Variants in TRMT11 observed in about 807,000 individuals in gnomAD.
TRMT11 encodes tRNA (guanine(10)-N(2))-methyltransferase TRMT11.
A neutral mutation model predicts 62.8 loss-of-function variants in TRMT11; 53 were observed. The ratio of observed to expected loss-of-function variants is 0.84; its 90% CI spans 0.68 to 1.06. The LOEUF is 1.06. TRMT11 is among the 50% of genes least tolerant of loss of function. The probability of loss-of-function intolerance (pLI) is 0.00; values close to 1 mark genes in which losing one functional copy is unlikely to be tolerated. For synonymous variants in TRMT11, 188 were observed against 190.3 expected (o/e 0.99, Z 0.10); for missense variants, 556 against 553.4 (o/e 1.00, Z -0.05).
intron 17 of TRMT11, among the ~76,000 whole-genome samples, chr6:126,059,774 C>T (rs953380661): frequency 2.0e-5 from 3 of 152,126 alleles, no homozygotes; most frequent in Non-Finnish European, 2.9e-5. Flanking sequence ...CTATCAATAG[C>T]AATTGGCTTT....
intron 16 of TRMT11, among the ~76,000 whole-genome samples, chr6:126,044,973 G>A (rs926447967): frequency 5.3e-5 from 8 of 152,070 alleles, no homozygotes; most frequent in Non-Finnish European, 8.8e-5. Flanking sequence ...ATCACCTGAG[G>A]TCAGGAGTTT....
intron 11 of TRMT11, 97 bp downstream of exon 11, chr6:126,013,198 C>A: frequency 9.1e-7 from 1 of 1,098,072 alleles, no homozygotes; most frequent in South Asian, 1.6e-5. Context: ...TTTGGTGCAT[C>A]TTTATATTTA....
Position 125,998,236 on chromosome 6 carries a change from A to G in TRMT11, c.308A>G (p.His103Arg), listed in dbSNP as rs375445860. Residue 103 changes from histidine (H) to arginine (R), a missense_variant, in exon 5 of 13, where the codon CAT becomes CGT. Physicochemically the swap from His to Arg is conservative, Grantham distance 29. Coordinates refer to ENST00000334379, the MANE Select transcript of TRMT11 (RefSeq NM_001031712.3). ...YPVEKMVPFL[H>R]SDSTYKIKIH... ...CTTTTATTTTAGGTTCCATTTCTAC[A>G]TTCGGACTCTACATATAAAATAAAG... The G allele has an allele frequency of 1.2e-6, 2 of 1,601,456 alleles. No individual in the cohort carries two copies. The highest frequency in any genetic ancestry group is 2.2e-5 in the South Asian group (2 of 90,566).
chr6:126,047,709 C>T (rs879756685), intron 16 of TRMT11, among the ~76,000 whole-genome samples: 1 of 152,202 alleles, frequency 6.6e-6, no homozygotes, highest in Non-Finnish European at 1.5e-5. Flanking sequence ...TACCGTGGGG[C>T]TGGAGCCCAA....
chr6:126,022,814 T>C (rs968332343), intron 12 of TRMT11, among the ~76,000 whole-genome samples: 3 of 152,214 alleles, frequency 2.0e-5, no homozygotes, highest in African/African-American at 7.2e-5. Context: ...TACATACATA[T>C]AAACATATGG....
upstream of TRMT11, among the ~76,000 whole-genome samples, chr6:126,174,137 C>G (rs1252538956): frequency 1.3e-5 from 2 of 152,194 alleles, no homozygotes; most frequent in African/African-American, 4.8e-5. Flanking sequence ...TCTCACTCCC[C>G]ACTGTCGCCC....
intron 17 of TRMT11, among the ~76,000 whole-genome samples, chr6:126,106,715 G>C (rs1218403096): frequency 6.6e-6 from 1 of 152,012 alleles, no homozygotes; most frequent in East Asian, 1.9e-4. Context: ...TTATTTCTTA[G>C]GGTAGAAGTG....
chr6:126,006,972 T>C (rs565238058), intron 7 of TRMT11: 1 of 152,112 alleles, frequency 6.6e-6, no homozygotes, highest in African/African-American at 2.4e-5. Context: ...TCTGCCTTAA[T>C]TGGCAGAATT....
At chr6:126,166,674 A>T (rs1778270448) in intron 21 of TRMT11, among the ~76,000 whole-genome samples, 2 of 152,246 alleles carry the variant, frequency 1.3e-5, no homozygotes, top group African/African-American at 2.4e-5. Flanking sequence ...CAGAGCCAGC[A>T]GGCAGGAGCA....
chr6:126,030,553 C>T (rs994456883), intron 12 of TRMT11, among the ~76,000 whole-genome samples: 2 of 152,158 alleles, frequency 1.3e-5, no homozygotes, highest in African/African-American at 2.4e-5. Flanking sequence ...GTGGCTTTCA[C>T]TATGGTGACA....
At chr6:126,012,574 T>G (rs928879043) in intron 9 of TRMT11, among the ~76,000 whole-genome samples, 197 bp from the exon 10 acceptor site, 15 of 152,192 alleles carry the variant, frequency 9.9e-5, no homozygotes, top group Non-Finnish European at 1.6e-4. Context: ...CTCAATGACT[T>G]TTATGACATT....
At chr6:126,254,603 T>C in the TRMT11 span, among the ~76,000 whole-genome samples, 1 of 152,232 alleles carries the variant, frequency 6.6e-6, no homozygotes, top group African/African-American at 2.4e-5. Flanking sequence ...TTTAAGGACA[T>C]CACTTCTTTC....
intron 17 of TRMT11, among the ~76,000 whole-genome samples, chr6:126,084,336 T>C (rs1777190214): frequency 6.6e-6 from 1 of 152,130 alleles, no homozygotes; most frequent in South Asian, 2.1e-4. Context: ...ATATCCTTGG[T>C]GAGTAATGAT....
At chr6:126,154,339 ATGTG>A (rs66827988) in intron 21 of TRMT11, among the ~76,000 whole-genome samples, 6,611 of 122,892 alleles carry the variant, frequency 0.054, 268 homozygotes, top group African/African-American at 0.12. Context: ...GTGTGTGTGT[ATGTG>A]TGTGTGTGTG....
intron 17 of TRMT11, among the ~76,000 whole-genome samples, chr6:126,112,683 T>C (rs1202763848): frequency 1.3e-5 from 2 of 152,122 alleles, no homozygotes; most frequent in Non-Finnish European, 1.5e-5. Flanking sequence ...GCTTGGCTGC[T>C]AGCTAACTCT....
At chr6:126,033,478 T>C (rs1774594287) in intron 12 of TRMT11, among the ~76,000 whole-genome samples, 1 of 152,146 alleles carries the variant, frequency 6.6e-6, no homozygotes, top group Non-Finnish European at 1.5e-5. Context: ...TAAGGTCACG[T>C]TTATATACCT....
At chr6:126,261,948 G>A in the TRMT11 span, among the ~76,000 whole-genome samples, 1 of 152,210 alleles carries the variant, frequency 6.6e-6, no homozygotes, top group African/African-American at 2.4e-5. Flanking sequence ...AGTCTGTCTA[G>A]GGGTGGGCCA....
chr6:126,006,619 C>G (rs1404929377), intron 7 of TRMT11, among the ~76,000 whole-genome samples: 1 of 150,802 alleles, frequency 6.6e-6, no homozygotes. Flanking sequence ...AGCACCCCTT[C>G]TTCCACCAAA....
At chr6:126,040,745 A>G (rs1179046792), downstream of TRMT11, among the ~76,000 whole-genome samples, 1 of 152,126 alleles carries the variant, frequency 6.6e-6, no homozygotes, top group Non-Finnish European at 1.5e-5. Context: ...ATAATATGAC[A>G]AAATGTATAA....
Sources: allele counts gnomAD v4.1 joint callset (sites outside exome capture counted in the v4.1 genomes callset), GRCh38; gene constraint gnomAD v4.1.1; transcripts MANE v1.5; gene names NCBI Gene and HGNC (gene_info 2026-07-23, HGNC 2026-07-21).